The following RTN3 variants were observed in gnomAD, a reference collection of about 807,000 sequenced individuals.
RTN3 encodes the protein reticulon-3.
In RTN3, 49 loss-of-function variants were observed where a neutral mutation model predicts 77.8. The ratio of observed to expected loss-of-function variants is 0.63; its 90% CI spans 0.50 to 0.80. The LOEUF is 0.80. RTN3 is among the 30% of genes least tolerant of loss of function. RTN3 has a pLI of 0.00. For missense variants in RTN3, 1,236 were observed against 1,211.9 expected, an observed-to-expected ratio of 1.02 and a Z score of -0.29; for synonymous variants, 464 against 446.9, an observed-to-expected ratio of 1.04 and a Z score of -0.48.
intron 1 of RTN3, among the ~76,000 whole-genome samples, chr11:63,703,991 T>C (rs1254776190): frequency 6.6e-6 from 1 of 151,934 alleles, no homozygotes; most frequent in East Asian, 1.9e-4. Context: ...GAGTATAATT[T>C]TATTTAATTA....
chr11:63,733,360 G>A (rs1370635495), intron 3 of RTN3, among the ~76,000 whole-genome samples: 5 of 151,896 alleles, frequency 3.3e-5, no homozygotes, highest in African/African-American at 4.8e-5. Flanking sequence ...GTGGTGGCAC[G>A]CGCCTGTAGT....
At chr11:63,755,187 GAC>G (rs1308923087) in intron 7 of RTN3, among the ~76,000 whole-genome samples, 2 of 151,970 alleles carry the variant, frequency 1.3e-5, no homozygotes, top group Non-Finnish European at 2.9e-5. Flanking sequence ...AAATAGATTA[GAC>G]ACACAGTTTC....
At chr11:63,692,717 T>C (rs1399646361) in intron 1 of RTN3, among the ~76,000 whole-genome samples, 1 of 151,400 alleles carries the variant, frequency 6.6e-6, no homozygotes, top group Non-Finnish European at 1.5e-5. Context: ...GCCGAGATCA[T>C]GCCACTGCAC....
At chr11:63,748,301 A>G (rs2013911691) in intron 3 of RTN3, among the ~76,000 whole-genome samples, 1 of 148,980 alleles carries the variant, frequency 6.7e-6, no homozygotes, top group South Asian at 2.1e-4. Context: ...AAATCGAAAT[A>G]CTTCTACTTA....
chr11:63,733,488 A>T (rs1042565766), intron 3 of RTN3, among the ~76,000 whole-genome samples: 2 of 135,154 alleles, frequency 1.5e-5, no homozygotes, highest in Non-Finnish European at 3.4e-5. Context: ...GTCTCAGAAT[A>T]AAAAAAAAAA....
intron 1 of RTN3, among the ~76,000 whole-genome samples, chr11:63,702,102 A>C (rs1942263534): frequency 6.6e-6 from 1 of 152,222 alleles, no homozygotes; most frequent in Admixed American, 6.5e-5. Flanking sequence ...TTCTAGCTTA[A>C]ATATATTTCT....
chr11:63,688,223 CTTTT>C (rs34253380), intron 1 of RTN3, among the ~76,000 whole-genome samples: 6 of 130,256 alleles, frequency 4.6e-5, no homozygotes, highest in East Asian at 2.2e-4. Flanking sequence ...GTGTGTTTTG[CTTTT>C]TTTTTTTTTT....
At chr11:63,757,038 G>A (rs942595093) in intron 8 of RTN3, among the ~76,000 whole-genome samples, 5 of 151,896 alleles carry the variant, frequency 3.3e-5, no homozygotes, top group Non-Finnish European at 7.4e-5. Context: ...GTGAGACTCC[G>A]TCTCAAAAAA....
At chr11:63,723,268 G>T (rs190902788) in intron 3 of RTN3, among the ~76,000 whole-genome samples, 1 of 151,984 alleles carries the variant, frequency 6.6e-6, no homozygotes, top group Non-Finnish European at 1.5e-5. Context: ...GGCCTTTCTT[G>T]CAGCTTTCAA....
intron 1 of RTN3, among the ~76,000 whole-genome samples, chr11:63,684,310 G>T (rs1941252070): frequency 6.6e-6 from 1 of 151,866 alleles, no homozygotes. Flanking sequence ...ACCATGCCCG[G>T]CTAATTTTTT....
At position 63,753,117 on chromosome 11, in the gene RTN3, G is replaced by A; in HGVS notation, c.2926G>A (p.Gly976Arg). The change falls in exon 6 of 9, where the codon GGA becomes AGA. Residue 976 changes from glycine to arginine, a missense_variant. Around this residue, in one of 3 missense-constraint regions of RTN3, gnomAD observed 141 missense variants for 154.9 expected, o/e 0.91. Coordinates refer to ENST00000377819, the MANE Select transcript of RTN3 (RefSeq NM_001265589.2). The part of the protein sequence containing the change: ...LMTYVGAVFN[G>R]ITLLILAELL... ...GACCTATGTTGGTGCTGTTTTTAAC[G>A]GAATCACCCTTCTAATTCTTGGTAA... 1.2e-6 allele frequency: 2 copies of A among 1,614,048 alleles called. No homozygotes were observed. The highest frequency in any genetic ancestry group is 1.7e-6 in the Non-Finnish European group (2 of 1,179,960).
intron 1 of RTN3, among the ~76,000 whole-genome samples, chr11:63,689,135 A>C (rs1941524581): frequency 6.6e-6 from 1 of 152,220 alleles, no homozygotes; most frequent in Non-Finnish European, 1.5e-5. Flanking sequence ...AAAATTCATC[A>C]ATTTTGTAGT....
In RTN3 at chr11:63,721,653, C is replaced by T. The variant is rs528663155; in HGVS notation, c.2530+621C>T. Among the ~76,000 whole-genome samples, 177 of 151,782 alleles carry T rather than the reference C, an allele frequency of 1.2e-3. 1 individual carries two copies. Among genetic ancestry groups the T allele is most frequent in the African/African-American group, 4.2e-3 (173 of 41,392 alleles). On this transcript the variant is annotated intron_variant, in intron 3 of 8. Transcript: ENST00000377819. Reference sequence around the variant, plus strand: ...GTACTTCTTTTCTTATAGGTTGCCCCTAAGGTGATATTAGGTGAGAATCTA... The same window carrying T: ...GTACTTCTTTTCTTATAGGTTGCCCTTAAGGTGATATTAGGTGAGAATCTA...
intron 2 of RTN3, among the ~76,000 whole-genome samples, chr11:63,709,586 A>T (rs552318784): frequency 0.064 from 7,444 of 116,864 alleles, 218 homozygotes; most frequent in South Asian, 0.12. Context: ...CCTTTTTTTA[A>T]AAAAAAAAAA....
At chr11:63,697,186 G>A (rs904142883) in intron 1 of RTN3, among the ~76,000 whole-genome samples, 17 of 151,478 alleles carry the variant, frequency 1.1e-4, no homozygotes, top group Non-Finnish European at 2.1e-4. Context: ...GCCCGGCCCC[G>A]TTGCTATTTT....
intron 3 of RTN3, among the ~76,000 whole-genome samples, chr11:63,729,706 C>A (rs1356111300): frequency 4.6e-5 from 7 of 151,970 alleles, no homozygotes; most frequent in Non-Finnish European, 2.9e-5. Context: ...GTAATCCTCC[C>A]ACCTTGGTCT....
chr11:63,723,477 G>T (rs1448548877), intron 3 of RTN3, among the ~76,000 whole-genome samples: 1 of 149,260 alleles, frequency 6.7e-6, no homozygotes, highest in Non-Finnish European at 1.5e-5. Context: ...AGGCTGGAGT[G>T]CAGTGGCGCG....
intron 1 of RTN3, among the ~76,000 whole-genome samples, chr11:63,703,817 C>T (rs572917214): frequency 6.6e-6 from 1 of 152,130 alleles, no homozygotes; most frequent in Admixed American, 6.5e-5. Context: ...GCTGGGATTA[C>T]AGGCATGAGC....
chr11:63,707,719 A>T (rs1389636571), intron 2 of RTN3, among the ~76,000 whole-genome samples: 3 of 152,138 alleles, frequency 2.0e-5, no homozygotes, highest in African/African-American at 7.2e-5. Context: ...CTGTAATCCC[A>T]GCTACTCGGG....
Sources: allele counts gnomAD v4.1 joint callset (sites outside exome capture counted in the v4.1 genomes callset), GRCh38; gene constraint gnomAD v4.1.1; regional missense constraint gnomAD v4.1.1; transcripts MANE v1.5; gene names NCBI Gene and HGNC (gene_info 2026-07-23, HGNC 2026-07-21).